PRSS22: variants seen among roughly 807,000 people sequenced by gnomAD.
PRSS22 encodes serine protease 22, also known as brain-specific serine protease 4.
Under a neutral mutation model 28.0 loss-of-function variants are expected in PRSS22, and 26 were observed. That is an observed-to-expected ratio of 0.93 (90% CI 0.68 to 1.29). The LOEUF (loss-of-function observed/expected upper bound fraction) is 1.29, where lower values mean the gene tolerates loss of function less well. Among genes scored for constraint, PRSS22 ranks in the 50% most tolerant of loss-of-function variants. The pLI is 0.00. For missense variants in PRSS22, 444 were observed against 422.1 expected (o/e 1.05, Z -0.46); for synonymous variants, 217 against 177.9 (o/e 1.22, Z -1.75).
At position 2,852,923 on chromosome 16, in the gene PRSS22, CGGGCGGG is replaced by C; in HGVS notation, c.*163_*169del. ...CCTTGGAGGCGGGGCCTGAGGCCGT[CGGGCGGG>C]TCGGGGAGGGGGTTTCCTTTCCGCA... On this transcript the variant is annotated 3_prime_UTR_variant, in exon 6 of 6. Transcript: ENST00000161006. 1.9e-6 allele frequency: 1 copy of C among 539,508 alleles called. No homozygotes were observed. The highest frequency in any genetic ancestry group is 3.1e-6 in the Non-Finnish European group (1 of 324,808). 33.4% of individuals were successfully genotyped at this position (539,508 alleles called of 1,614,324 possible).
chr16:2,853,389 C>T lies in PRSS22; in HGVS notation c.718-60G>A, dbSNP rs2069425342. The stretch of plus-strand genomic sequence containing the variant: ...GCACAGGGGGTGGCAGAATCCAGGG[C>T]CCGTGCCCTGTCAGGGGGCAGATGA... On this transcript the variant is annotated intron_variant, in intron 5 of 5. Transcript: ENST00000161006. This position sits in a 1 kb window ranked among gnomAD's most constrained non-coding sequence, Gnocchi z 4.6. 5.0e-6 allele frequency: 7 copies of T among 1,413,402 alleles called. No individual in the cohort carries two copies. The highest frequency in any genetic ancestry group is 2.0e-5 in the Admixed American group (1 of 49,896). 87.6% of individuals were successfully genotyped at this position (1,413,402 alleles called of 1,614,324 possible). A position where few individuals can be genotyped will look rare whatever the true frequency, so the allele number is the denominator to read the frequency against.
chr16:2,857,119 GCC>G, intron 1 of PRSS22: 1 of 573,998 alleles, frequency 1.7e-6, no homozygotes, highest in East Asian at 3.0e-5. Context: ...CCAGCGAGAA[GCC>G]CCCAGCACCC....
At chr16:2,856,002 G>A in intron 3 of PRSS22, 80 bp downstream of exon 3, 2 of 1,548,212 alleles carry the variant, frequency 1.3e-6, no homozygotes, top group South Asian at 2.4e-5. Flanking sequence ...CGGAAGCAGA[G>A]CCTGTAAAGG....
In PRSS22 at chr16:2,853,136, AG is replaced by A; in HGVS notation, c.910del (p.Leu304SerfsTer110). The A allele has an allele frequency of 6.3e-7, 1 of 1,596,930 alleles. No individual in the cohort carries two copies. ...CCCAGAGCCCTGGCTCGGTGCCCTGAGGGCCCCACCCCCCTGAGCGCGCCCG... is the reference window on the plus strand; with the variant it reads ...CCCAGAGCCCTGGCTCGGTGCCCTGAGGCCCCACCCCCCTGAGCGCGCCCG... ...LRGRAQGGGA[L>X]RAPSQGSGAA... On this transcript the variant is annotated frameshift_variant, in exon 6 of 6. Transcript: ENST00000161006. LOFTEE classifies it low-confidence loss of function (END_TRUNC). This position sits in a 1 kb window ranked among gnomAD's most constrained non-coding sequence, Gnocchi z 4.6.
rs1428181639 is a variant in PRSS22 at position 2,853,049 on chromosome 16, G to T, written c.*44C>A. 2 of 1,342,078 alleles carry T rather than the reference G, an allele frequency of 1.5e-6. No individual in the cohort carries two copies. Among genetic ancestry groups the T allele is most frequent in the Non-Finnish European group, 2.0e-6 (2 of 990,080 alleles). 83.1% of individuals were successfully genotyped at this position (1,342,078 alleles called of 1,614,324 possible). ...CGCCGCAGATCCAGATCCAGATGTG[G>T]ATCTGGCCGCCTTTCAGATCCGAGC... On this transcript the variant is annotated 3_prime_UTR_variant, in exon 6 of 6. Coordinates refer to ENST00000161006, the MANE Select transcript of PRSS22 (RefSeq NM_022119.4). This position sits in a 1 kb window ranked among gnomAD's most constrained non-coding sequence, Gnocchi z 4.6.
In PRSS22 at chr16:2,858,047, A is replaced by T. The variant is rs920165751; in HGVS notation, c.58T>A (p.Ser20Thr). ...LGGGCLGTFT[S>T]LLLLASTAIL... ...CCTGTCGACGCCAGCAGCAGCAGGG[A>T]GGTGAAGGTGCCGAGACAGCCCCCA... The change falls in exon 1 of 6, where the codon TCC (serine) becomes ACC (threonine). Residue 20 changes from serine (S) to threonine (T), a missense_variant. Coordinates refer to ENST00000161006, the MANE Select transcript of PRSS22 (RefSeq NM_022119.4). 5.5e-6 allele frequency: 7 copies of T among 1,280,938 alleles called. No homozygotes were observed. Among genetic ancestry groups the T allele is most frequent in the Non-Finnish European group, 7.0e-6 (7 of 1,004,748 alleles). 79.3% of individuals were successfully genotyped at this position (1,280,938 alleles called of 1,614,324 possible). A position where few individuals can be genotyped will look rare whatever the true frequency, so the allele number is the denominator to read the frequency against.
intron 4 of PRSS22, chr16:2,854,418 TAC>T (rs766375046): frequency 2.1e-4 from 42 of 195,878 alleles, no homozygotes; most frequent in Middle Eastern, 2.2e-3. Context: ...GGAGCTGGTC[TAC>T]AGACTGTGGT....
chr16:2,855,365 A>AAAAAAAAAAAAAAAAAG (rs1555473080), intron 4 of PRSS22, among the ~76,000 whole-genome samples: 2 of 134,584 alleles, frequency 1.5e-5, no homozygotes, highest in African/African-American at 5.8e-5. Context: ...AAAAAAAAAA[A>AAAAAAAAAAAAAAAAAG]AAGAAGAAGA....
intron 1 of PRSS22, 41 bp downstream of exon 1, chr16:2,857,982 G>A: frequency 8.0e-7 from 1 of 1,249,838 alleles, no homozygotes; most frequent in Non-Finnish European, 1.0e-6. Context: ...GAAGGAGGGT[G>A]GAGGTGAGAG....
Position 2,856,100 on chromosome 16 carries a change from G to T in PRSS22, c.263C>A (p.Ala88Asp), listed in dbSNP as rs767443986. Reference sequence around the variant, plus strand: ...TACATACTCCTTGAAACAGTGGGCAGCAGTGATCACCCAGCGGCTGGTGAG... The same window carrying T: ...TACATACTCCTTGAAACAGTGGGCATCAGTGATCACCCAGCGGCTGGTGAG... ...SLLTSRWVIT[A>D]AHCFKDNLNK... Residue 88 changes from alanine (A) to aspartate (D), a missense_variant, in exon 3 of 6, where the codon GCT becomes GAT. Coordinates refer to ENST00000161006, the MANE Select transcript of PRSS22 (RefSeq NM_022119.4). 1.2e-6 allele frequency: 2 copies of T among 1,613,956 alleles called. No homozygotes were observed. The highest frequency in any genetic ancestry group is 1.7e-6 in the Non-Finnish European group (2 of 1,179,950).
intron 1 of PRSS22, chr16:2,857,148 G>C: frequency 2.0e-6 from 1 of 507,252 alleles, no homozygotes; most frequent in South Asian, 2.1e-5. Context: ...AAGGGGTCCA[G>C]TGCCCAGTGG....
chr16:2,855,883 G>C, intron 3 of PRSS22, 32 bp from the exon 4 acceptor site: 1 of 1,596,094 alleles, frequency 6.3e-7, no homozygotes, highest in Non-Finnish European at 8.5e-7. Context: ...GGATCAGCCA[G>C]GCCTGGTCTG....
Position 2,858,095 on chromosome 16 carries a change from A to G in PRSS22, c.10T>C (p.Ser4Pro). 7.9e-7 allele frequency: 1 copy of G among 1,268,536 alleles called. No individual in the cohort carries two copies. The highest frequency in any genetic ancestry group is 1.0e-6 in the Non-Finnish European group (1 of 999,484). The allele number at this position is 1,268,536 out of a possible 1,614,324, so 78.6% of individuals were successfully genotyped here. ...CCACCCAGGGCTGGGGGCGCTCCAG[A>G]AACCACCATGGCTGGTGGGGCGGGG... is the stretch of plus-strand genomic sequence containing the variant. MVV[S>P]GAPPALGGGC... The change falls in exon 1 of 6, where the codon TCT (serine) becomes CCT (proline). Residue 4 changes from serine to proline, a missense_variant. Physicochemically the swap from Ser to Pro is moderately conservative, Grantham distance 74. Coordinates refer to ENST00000161006, the MANE Select transcript of PRSS22 (RefSeq NM_022119.4).
Position 2,853,940 on chromosome 16 carries a change from C to T in PRSS22, c.642G>A (p.Arg214=), listed in dbSNP as rs1426945543. 1 of 1,614,096 alleles carries T rather than the reference C, an allele frequency of 6.2e-7. No homozygotes were observed. Among genetic ancestry groups the T allele is most frequent in the African/African-American group, 1.3e-5 (1 of 74,938 alleles). Residue 214 remains arginine (R), a synonymous_variant, in exon 5 of 6, where the codon CGG becomes CGA. Coordinates refer to ENST00000161006, the MANE Select transcript of PRSS22 (RefSeq NM_022119.4). The surrounding 1 kb of genome is among the most constrained non-coding windows in gnomAD (Gnocchi z 4.6). Reference sequence around the variant, plus strand: ...CAGTGATGGGTCCCTGTCCTGCTCCCCGCCAGTACAGATGGCTGCAGACTT... The same window carrying T: ...CAGTGATGGGTCCCTGTCCTGCTCCTCGCCAGTACAGATGGCTGCAGACTT... The part of the protein sequence containing the change: ...DSEVCSHLYW[R]GAGQGPITED...
intron 4 of PRSS22, 74 bp from the exon 5 acceptor site, chr16:2,854,096 CCAA>C: frequency 1.3e-6 from 2 of 1,531,094 alleles, no homozygotes; most frequent in Non-Finnish European, 1.8e-6. Context: ...CTATTCCCCC[CCAA>C]CACCATTCCT....
At position 2,853,452 on chromosome 16, in the gene PRSS22, G is replaced by T. The variant is rs1401333407; in HGVS notation, c.718-123C>A. On this transcript the variant is annotated intron_variant, in intron 5 of 5. Transcript: ENST00000161006. This position sits in a 1 kb window ranked among gnomAD's most constrained non-coding sequence, Gnocchi z 4.6. The stretch of plus-strand genomic sequence containing the variant: ...GAGCCCGTTTCTCCTTCCTGGAGGA[G>T]ACAGGACCTGAGCTCCACCCAGGTG... 1.3e-6 allele frequency: 1 copy of T among 780,564 alleles called. No homozygotes were observed. The highest frequency in any genetic ancestry group is 2.0e-6 in the Non-Finnish European group (1 of 496,362). 48.4% of individuals were successfully genotyped at this position (780,564 alleles called of 1,614,324 possible).
chr16:2,855,634 T>C lies in PRSS22; in HGVS notation c.499A>G (p.Ile167Val), dbSNP rs942831526. Residue 167 changes from isoleucine (I) to valine (V), a missense_variant, in exon 4 of 6, where the codon ATC becomes GTC. Ile to Val is a conservative substitution (Grantham distance 29). Coordinates refer to ENST00000161006, the MANE Select transcript of PRSS22 (RefSeq NM_022119.4). ...CAGTGGGTGTTTGGAGGGAGGTGGA[T>C]AGAGGCATCAGGTAGGCAGATGGGC... Reference protein sequence around the residue: ...VLPICLPDASIHLPPNTHCWI... With the variant: ...VLPICLPDASVHLPPNTHCWI... 13 of 1,614,016 alleles carry C rather than the reference T, an allele frequency of 8.1e-6. No individual in the cohort carries two copies. Among genetic ancestry groups the C allele is most frequent in the Non-Finnish European group, 1.0e-5 (12 of 1,179,980 alleles).
rs377283398 is a variant in PRSS22 at position 2,856,771 on chromosome 16, G to A, written c.109+51C>T. 12 of 1,548,186 alleles carry A rather than the reference G, an allele frequency of 7.8e-6. No individual in the cohort carries two copies. The Admixed American group carries it at 7.8e-5, about 10-fold the overall frequency. On this transcript the variant is annotated intron_variant, in intron 2 of 5. Coordinates refer to ENST00000161006, the MANE Select transcript of PRSS22 (RefSeq NM_022119.4). Reference sequence around the variant, plus strand: ...GGACGGACACATAGACACTGCCTGCGCGTGGGCCTCCTCCCTTCTCCCTCC... The same window carrying A: ...GGACGGACACATAGACACTGCCTGCACGTGGGCCTCCTCCCTTCTCCCTCC...
chr16:2,857,325 A>AGGAGGGGG (rs1349515412), intron 1 of PRSS22, among the ~76,000 whole-genome samples: 1 of 113,884 alleles, frequency 8.8e-6, no homozygotes, highest in Non-Finnish European at 1.8e-5. Flanking sequence ...GCGCCCAGTG[A>AGGAGGGGG]CGAGGGGGTC....
Sources: gnomAD v4.1 joint callset for allele counts (sites outside exome capture counted in the v4.1 genomes callset) on GRCh38, gnomAD v4.1.1 for gene constraint, Gnocchi (gnomAD v3.1) non-coding constraint, MANE v1.5 for transcripts, NCBI Gene and HGNC (gene_info 2026-07-23, HGNC 2026-07-21) for gene names.